GLIS3: variants seen among roughly 807,000 people sequenced by gnomAD.
GLIS3 encodes zinc finger protein GLIS3.
A neutral mutation model predicts 78.6 loss-of-function variants in GLIS3; 53 were observed. The observed-to-expected ratio is 0.67, with a 90% confidence interval of 0.54 to 0.85. GLIS3 has a LOEUF of 0.85. Among genes scored for constraint, GLIS3 ranks in the 40% least tolerant of loss-of-function variants. The pLI is 0.00. For synonymous variants in GLIS3, 684 were observed against 509.9 expected (o/e 1.34, Z -4.60); for missense variants, 1,703 against 1,231.1 (o/e 1.38, Z -5.74).
At chr9:3,942,018 A>T (rs1449457935) in intron 4 of GLIS3, among the ~76,000 whole-genome samples, 1 of 152,294 alleles carries the variant, frequency 6.6e-6, no homozygotes, top group Non-Finnish European at 1.5e-5. Flanking sequence ...GGCTCATTAG[A>T]CACCATTAAA....
chr9:3,855,851 T>C (rs1451487440), intron 9 of GLIS3, 158 bp downstream of exon 9: 5 of 783,380 alleles, frequency 6.4e-6, no homozygotes, highest in Non-Finnish European at 1.1e-5. Flanking sequence ...TACCATAGGA[T>C]TTCATGCCTA....
At chr9:4,366,098 A>G in the GLIS3 span, among the ~76,000 whole-genome samples, 1 of 152,200 alleles carries the variant, frequency 6.6e-6, no homozygotes, top group Non-Finnish European at 1.5e-5. Context: ...CACCCAGAAG[A>G]CAGGGAGAAA....
intron 4 of GLIS3, 31 bp from the exon 5 acceptor site, chr9:3,937,220 AG>A: frequency 6.2e-7 from 1 of 1,613,552 alleles, no homozygotes; most frequent in Non-Finnish European, 8.5e-7. Flanking sequence ...TTGGTGGTTG[AG>A]AAGGACCTTG....
At chr9:4,323,598 G>C (rs1220381646) in intron 2 of GLIS3, among the ~76,000 whole-genome samples, 2 of 152,040 alleles carry the variant, frequency 1.3e-5, no homozygotes, top group African/African-American at 4.8e-5. Flanking sequence ...ATTTCCTCAG[G>C]AGATATTTTC....
intron 4 of GLIS3, among the ~76,000 whole-genome samples, chr9:3,992,640 A>G (rs929148723): frequency 6.6e-6 from 1 of 152,244 alleles, no homozygotes; most frequent in African/African-American, 2.4e-5. Flanking sequence ...GACTTATTCA[A>G]CATAACTGTT....
intron 4 of GLIS3, among the ~76,000 whole-genome samples, chr9:3,996,061 T>C (rs1006712660): frequency 1.1e-4 from 16 of 151,960 alleles, no homozygotes; most frequent in African/African-American, 3.9e-4. Flanking sequence ...GTCAGATTAC[T>C]TAAAAAAATA....
At chr9:3,975,844 T>C (rs1316731675) in intron 4 of GLIS3, among the ~76,000 whole-genome samples, 2 of 152,054 alleles carry the variant, frequency 1.3e-5, no homozygotes, top group Admixed American at 6.6e-5. Context: ...ACAGCCCTCA[T>C]TAAAAAATTG....
chr9:4,193,226 C>T (rs1012131661), intron 2 of GLIS3, among the ~76,000 whole-genome samples: 1 of 152,172 alleles, frequency 6.6e-6, no homozygotes, highest in Non-Finnish European at 1.5e-5. Context: ...CATTTTAAAA[C>T]GGCTTTGAAA....
At chr9:4,384,694 G>T in the GLIS3 span, among the ~76,000 whole-genome samples, 8 of 151,796 alleles carry the variant, frequency 5.3e-5, no homozygotes, top group Non-Finnish European at 1.0e-4. Context: ...CTTATTCAAG[G>T]GCTAGGTAAT....
upstream of GLIS3, among the ~76,000 whole-genome samples, chr9:4,349,107 G>C (rs1031540304): frequency 6.6e-6 from 1 of 152,144 alleles, no homozygotes; most frequent in Non-Finnish European, 1.5e-5. Flanking sequence ...CCTTATCTAA[G>C]CTTACTAAAC....
chr9:4,407,733 G>A, the GLIS3 span, among the ~76,000 whole-genome samples: 5 of 152,222 alleles, frequency 3.3e-5, no homozygotes, highest in South Asian at 2.1e-4. Flanking sequence ...GTAATACCCC[G>A]CAAGCGCAAA....
At chr9:4,114,242 C>T (rs1166734383) in intron 4 of GLIS3, among the ~76,000 whole-genome samples, 1 of 152,108 alleles carries the variant, frequency 6.6e-6, no homozygotes, top group Non-Finnish European at 1.5e-5. Flanking sequence ...GCACCGTTAC[C>T]CAACCATTGC....
the GLIS3 span, among the ~76,000 whole-genome samples, chr9:4,428,912 C>A: frequency 6.6e-6 from 1 of 152,124 alleles, no homozygotes; most frequent in Non-Finnish European, 1.5e-5. Context: ...TCCCTGACAC[C>A]CCCATACCAA....
chr9:3,860,391 T>G (rs2130287369), intron 8 of GLIS3, among the ~76,000 whole-genome samples: 1 of 151,968 alleles, frequency 6.6e-6, no homozygotes, highest in Admixed American at 6.6e-5. Context: ...TTGGGGGTAT[T>G]TACTTGGCCA....
At chr9:4,232,929 A>C (rs1478289993) in intron 2 of GLIS3, among the ~76,000 whole-genome samples, 1 of 152,230 alleles carries the variant, frequency 6.6e-6, no homozygotes, top group East Asian at 1.9e-4. Context: ...TGGTAGAATC[A>C]GTGTATAGAC....
chr9:3,977,226 G>A lies in GLIS3; in HGVS notation c.1711-40037C>T, dbSNP rs1818876863. ...TTCAGATGACAAAAGACCTTGCTAGGCCACCCCTCCTCCACCCAGATATTA... is the reference window on the plus strand; with the variant it reads ...TTCAGATGACAAAAGACCTTGCTAGACCACCCCTCCTCCACCCAGATATTA... On this transcript the variant is annotated intron_variant, in intron 4 of 10. Coordinates refer to ENST00000381971, the MANE Select transcript of GLIS3 (RefSeq NM_001042413.2). The surrounding 1 kb of genome is among the most constrained non-coding windows in gnomAD (Gnocchi z 4.1). Among the ~76,000 whole-genome samples the A allele has an allele frequency of 3.3e-5, 5 of 152,044 alleles. No individual in the cohort carries two copies. The South Asian group carries it at 1.0e-3, about 32-fold the overall frequency.
Position 4,315,061 on chromosome 9 carries a change from T to G in GLIS3, n.265-4533A>C, listed in dbSNP as rs116410815. Among the ~76,000 whole-genome samples the G allele has an allele frequency of 3.1e-3, 476 of 152,340 alleles. 2 individuals are homozygous for G. Among genetic ancestry groups the G allele is most frequent in the African/African-American group, 0.011 (458 of 41,586 alleles). Reference sequence around the variant, plus strand: ...CCCTTGTGGTCCTTCCACTCTCTCCTGCTCTTCTGTGTACTGACTCAACCA... The same window carrying G: ...CCCTTGTGGTCCTTCCACTCTCTCCGGCTCTTCTGTGTACTGACTCAACCA... On this transcript the variant is annotated intron_variant and non_coding_transcript_variant, in intron 2 of 4. Transcript: ENST00000471664.
At chr9:4,461,554 G>C in the GLIS3 span, among the ~76,000 whole-genome samples, 1 of 152,150 alleles carries the variant, frequency 6.6e-6, no homozygotes, top group African/African-American at 2.4e-5. Context: ...ACTAGGGTTT[G>C]GATTCTTTGC....
chr9:4,458,651 G>C, the GLIS3 span, among the ~76,000 whole-genome samples: 1 of 152,124 alleles, frequency 6.6e-6, no homozygotes, highest in African/African-American at 2.4e-5. Context: ...AGCTGGGCAT[G>C]GTGGCGCACG....
Sources: allele counts gnomAD v4.1 joint callset (sites outside exome capture counted in the v4.1 genomes callset), GRCh38; gene constraint gnomAD v4.1.1; non-coding constraint Gnocchi (gnomAD v3.1); transcripts MANE v1.5; gene names NCBI Gene and HGNC (gene_info 2026-07-23, HGNC 2026-07-21).